Variants in PRKAR1A observed in about 807,000 individuals in gnomAD.
PRKAR1A encodes the protein cAMP-dependent protein kinase type I-alpha regulatory subunit.
In PRKAR1A, 3 loss-of-function variants were observed where a neutral mutation model predicts 52.0. The ratio of observed to expected loss-of-function variants is 0.06; its 90% CI spans 0.03 to 0.15. The LOEUF is 0.15. Among genes scored for constraint, PRKAR1A ranks in the 10% least tolerant of loss-of-function variants. PRKAR1A has a pLI of 1.00. For synonymous variants in PRKAR1A, 188 were observed against 168.4 expected (o/e 1.12, Z -0.90); for missense variants, 240 against 477.4 (o/e 0.50, Z 4.63).
the PRKAR1A span, chr17:68,422,394 A>C: frequency 6.8e-6 from 1 of 148,024 alleles, no homozygotes; most frequent in Non-Finnish European, 1.5e-5. Context: ...GCACCACTGC[A>C]CTCCAGCCTG....
chr17:68,519,099 T>G (rs1199546743), intron 2 of PRKAR1A, among the ~76,000 whole-genome samples: 2 of 152,160 alleles, frequency 1.3e-5, no homozygotes, highest in Non-Finnish European at 2.9e-5. Flanking sequence ...TTCCCACATT[T>G]TCCTGTCTTC....
the PRKAR1A span, chr17:68,427,203 G>A: frequency 6.2e-7 from 1 of 1,614,152 alleles, no homozygotes; most frequent in Non-Finnish European, 8.5e-7. Flanking sequence ...AGGTAAGGAA[G>A]GTCTGAGGTC....
chr17:68,466,659 C>A, the PRKAR1A span, among the ~76,000 whole-genome samples: 9 of 151,860 alleles, frequency 5.9e-5, no homozygotes, highest in Non-Finnish European at 1.5e-5. Flanking sequence ...TGATCCACCC[C>A]CCTTGGCCTC....
At chr17:68,542,560 T>C in intron 11 of PRKAR1A, 1 of 755,052 alleles carries the variant, frequency 1.3e-6, no homozygotes, top group East Asian at 2.6e-5. Flanking sequence ...TGGGAGTGTC[T>C]TACAACTTCA....
the PRKAR1A span, among the ~76,000 whole-genome samples, chr17:68,467,877 T>C: frequency 1.3e-5 from 2 of 152,058 alleles, no homozygotes; most frequent in African/African-American, 4.8e-5. Flanking sequence ...TTGTTGTTGT[T>C]GTTGTTTGTT....
chr17:68,508,883 C>T (rs58903882), upstream of PRKAR1A, among the ~76,000 whole-genome samples: 758 of 152,098 alleles, frequency 5.0e-3, 4 homozygotes, highest in African/African-American at 0.016. Context: ...TTTTGGCATT[C>T]GGGTGTTTGC....
intron 11 of PRKAR1A, chr17:68,540,853 CAAG>C: frequency 6.3e-7 from 1 of 1,598,526 alleles, no homozygotes; most frequent in Non-Finnish European, 8.5e-7. Context: ...ACCTACCTAT[CAAG>C]AAGTCGAAGA....
Position 68,532,243 on chromosome 17 carries a change from A to G in PRKAR1A, c.*1794A>G, listed in dbSNP as rs1219420637. ...GAAAATTACGTTCTTACAAGCTTAA[A>G]GCTTGATTTGATCTTTGTTTAAATG... On this transcript the variant is annotated 3_prime_UTR_variant, in exon 11 of 11. Transcript: ENST00000589228. The G allele has an allele frequency of 4.8e-6, 5 of 1,039,504 alleles. No homozygotes were observed. The highest frequency in any genetic ancestry group is 4.7e-6 in the Non-Finnish European group (4 of 855,840). 64.4% of individuals were successfully genotyped at this position (1,039,504 alleles called of 1,614,324 possible). A position where few individuals can be genotyped will look rare whatever the true frequency, so the allele number is the denominator to read the frequency against.
the PRKAR1A span, among the ~76,000 whole-genome samples, chr17:68,471,809 CT>C: frequency 9.4e-5 from 14 of 148,576 alleles, no homozygotes; most frequent in Admixed American, 1.3e-4. Context: ...AGTTTCTTTT[CT>C]TTTTTTTTTA....
chr17:68,449,143 C>T, the PRKAR1A span, among the ~76,000 whole-genome samples: 2 of 152,222 alleles, frequency 1.3e-5, no homozygotes, highest in Non-Finnish European at 2.9e-5. Context: ...ACATTGTCCT[C>T]AATGAATGCA....
chr17:68,466,150 A>G, the PRKAR1A span, among the ~76,000 whole-genome samples: 105 of 152,168 alleles, frequency 6.9e-4, no homozygotes, highest in Non-Finnish European at 1.4e-3. Flanking sequence ...TTCTTCCTCT[A>G]CCTTTTATAG....
At chr17:68,481,324 C>A in the PRKAR1A span, among the ~76,000 whole-genome samples, 2 of 152,132 alleles carry the variant, frequency 1.3e-5, no homozygotes, top group Non-Finnish European at 2.9e-5. Flanking sequence ...CACTTTATTT[C>A]TACTATTATT....
At chr17:68,477,826 G>A in the PRKAR1A span, among the ~76,000 whole-genome samples, 2 of 151,872 alleles carry the variant, frequency 1.3e-5, no homozygotes, top group South Asian at 4.2e-4. Context: ...GGGTTCAAGC[G>A]ATTCTCCCAC....
the PRKAR1A span, among the ~76,000 whole-genome samples, chr17:68,469,498 T>G: frequency 6.6e-6 from 1 of 152,218 alleles, no homozygotes; most frequent in Non-Finnish European, 1.5e-5. Context: ...TCCTAGCACC[T>G]AGAGCAATGC....
the PRKAR1A span, among the ~76,000 whole-genome samples, chr17:68,434,003 C>T: frequency 5.3e-5 from 8 of 151,784 alleles, no homozygotes; most frequent in African/African-American, 1.9e-4. Flanking sequence ...GGCTGGTCCT[C>T]AGGTGATCTG....
At chr17:68,536,664 T>C (rs1487391326), downstream of PRKAR1A, 1 of 452,912 alleles carries the variant, frequency 2.2e-6, no homozygotes, top group Non-Finnish European at 4.4e-6. Context: ...TTGGCTCTTT[T>C]CCTGCCTTAC....
intron 11 of PRKAR1A, among the ~76,000 whole-genome samples, chr17:68,545,796 A>G (rs2086527527): frequency 6.6e-6 from 1 of 152,210 alleles, no homozygotes; most frequent in African/African-American, 2.4e-5. Context: ...CTCTGTGGCC[A>G]TCTCAACAAT....
chr17:68,453,479 CT>C, the PRKAR1A span, among the ~76,000 whole-genome samples: 514 of 136,154 alleles, frequency 3.8e-3, 3 homozygotes, highest in African/African-American at 8.6e-3. Context: ...TTTTCTTTTC[CT>C]TTTTTTTTTT....
At chr17:68,509,404 A>G (rs1278213873), upstream of PRKAR1A, among the ~76,000 whole-genome samples, 1 of 152,120 alleles carries the variant, frequency 6.6e-6, no homozygotes, top group Non-Finnish European at 1.5e-5. Context: ...GGGCCCAAGG[A>G]AGCCTCCAGC....
Sources: allele counts gnomAD v4.1 joint callset (sites outside exome capture counted in the v4.1 genomes callset), GRCh38; gene constraint gnomAD v4.1.1; transcripts MANE v1.5; gene names NCBI Gene and HGNC (gene_info 2026-07-23, HGNC 2026-07-21).